The following NAALADL2 variants were observed in gnomAD, a reference collection of about 807,000 sequenced individuals.
NAALADL2 encodes the protein N-acetylated alpha-linked acidic dipeptidase like 2.
A neutral mutation model predicts 87.2 loss-of-function variants in NAALADL2; 76 were observed. The ratio of observed to expected loss-of-function variants is 0.87; its 90% confidence interval spans 0.72 to 1.05. The LOEUF (loss-of-function observed/expected upper bound fraction) is 1.05, where lower values mean the gene tolerates loss of function less well. Among genes scored for constraint, NAALADL2 ranks in the 50% least tolerant of loss-of-function variants. The probability of loss-of-function intolerance (pLI) is 0.00; values close to 1 mark genes in which losing one functional copy is unlikely to be tolerated. For synonymous variants in NAALADL2, 354 were observed against 331.0 expected, an observed-to-expected ratio of 1.07 and a Z score of -0.75; for missense variants, 1,089 against 945.8, an observed-to-expected ratio of 1.15 and a Z score of -1.99.
chr3:175,229,661 A>AC (rs1228863016), intron 2 of NAALADL2, among the ~76,000 whole-genome samples: 1 of 150,932 alleles, frequency 6.6e-6, no homozygotes, highest in Non-Finnish European at 1.5e-5. Flanking sequence ...CCTCCCAAAG[A>AC]CCCCAACACT....
At chr3:174,518,807 T>C (rs929574495) in intron 1 of NAALADL2, among the ~76,000 whole-genome samples, 2 of 152,194 alleles carry the variant, frequency 1.3e-5, no homozygotes, top group African/African-American at 2.4e-5. Context: ...ATATTCTAAT[T>C]GTATTGAGCA....
Position 175,137,933 on chromosome 3 carries a change from C to T in NAALADL2, c.545+40642C>T, listed in dbSNP as rs143944784. On this transcript the variant is annotated intron_variant, in intron 2 of 13. Transcript: ENST00000454872. ...GCCACCACACCAGTCCGAGATTGAC[C>T]CAATTTTTAACTCTCCTGATAATAA... 2.6e-4 allele frequency among the ~76,000 whole-genome samples: 40 copies of T among 152,032 alleles called. No individual in the cohort carries two copies. In the East Asian group the frequency reaches 7.1e-3, roughly 27 times the overall value.
At chr3:175,467,827 A>T (rs115092220) in intron 8 of NAALADL2, among the ~76,000 whole-genome samples, 84 of 152,258 alleles carry the variant, frequency 5.5e-4, no homozygotes, top group African/African-American at 2.0e-3. Context: ...GGAGAATTTA[A>T]GTCTCAAACT....
intron 1 of NAALADL2, among the ~76,000 whole-genome samples, chr3:175,095,710 A>G (rs906143924): frequency 6.6e-6 from 1 of 152,064 alleles, no homozygotes; most frequent in Non-Finnish European, 1.5e-5. Context: ...CACGATTCCT[A>G]AGGCAATTAG....
At chr3:175,221,945 T>TTG (rs893361790) in intron 2 of NAALADL2, among the ~76,000 whole-genome samples, 8 of 151,892 alleles carry the variant, frequency 5.3e-5, no homozygotes, top group Non-Finnish European at 1.2e-4. Context: ...TGGCTAATTT[T>TTG]TGTGTGTGTG....
At chr3:175,712,580 G>A (rs1740676834) in intron 11 of NAALADL2, among the ~76,000 whole-genome samples, 1 of 152,050 alleles carries the variant, frequency 6.6e-6, no homozygotes, top group Non-Finnish European at 1.5e-5. Context: ...CCAGCAGGAA[G>A]GGGTCAACCA....
intron 11 of NAALADL2, among the ~76,000 whole-genome samples, chr3:175,671,646 G>A (rs562596719): frequency 6.6e-6 from 1 of 152,096 alleles, no homozygotes; most frequent in Non-Finnish European, 1.5e-5. Flanking sequence ...AAGATTGACA[G>A]CTTGCTAGAG....
At chr3:175,117,579 C>G (rs892439585) in intron 2 of NAALADL2, among the ~76,000 whole-genome samples, 1 of 150,418 alleles carries the variant, frequency 6.6e-6, no homozygotes, top group African/African-American at 2.5e-5. Flanking sequence ...CCATCTCACA[C>G]CAGTTAGAAT....
chr3:175,253,780 G>A (rs891819584), intron 3 of NAALADL2, among the ~76,000 whole-genome samples: 21 of 152,088 alleles, frequency 1.4e-4, no homozygotes, highest in African/African-American at 4.8e-4. Flanking sequence ...CCTTATAGAC[G>A]AGTTTGAGGG....
chr3:174,860,697 G>A (rs1041479052), intron 1 of NAALADL2, among the ~76,000 whole-genome samples: 1 of 152,000 alleles, frequency 6.6e-6, no homozygotes, highest in Non-Finnish European at 1.5e-5. Flanking sequence ...TGTATTCAGC[G>A]ATCAAAATAA....
intron 2 of NAALADL2, among the ~76,000 whole-genome samples, chr3:174,722,377 A>T (rs974316705): frequency 2.0e-5 from 3 of 152,160 alleles, no homozygotes; most frequent in Non-Finnish European, 4.4e-5. Context: ...TCCTAATTTA[A>T]CCCTCCTATT....
intron 5 of NAALADL2, among the ~76,000 whole-genome samples, chr3:175,409,804 A>G (rs1251631794): frequency 6.6e-6 from 1 of 152,058 alleles, no homozygotes; most frequent in East Asian, 1.9e-4. Flanking sequence ...TTAGAGAAAG[A>G]ACACTGACAT....
intron 5 of NAALADL2, among the ~76,000 whole-genome samples, chr3:175,379,180 TC>T (rs1416897938): frequency 2.9e-5 from 4 of 136,472 alleles, no homozygotes; most frequent in Non-Finnish European, 6.1e-5. Flanking sequence ...TTAACCTGTT[TC>T]TTCCTCTCTC....
intron 4 of NAALADL2, among the ~76,000 whole-genome samples, chr3:175,294,108 A>G (rs1039020436): frequency 6.6e-6 from 1 of 152,174 alleles, no homozygotes; most frequent in Admixed American, 6.5e-5. Context: ...TAACCAGGGA[A>G]TTTGACGAGG....
At chr3:174,589,375 C>CCCACTG (rs1717108325) in intron 2 of NAALADL2, among the ~76,000 whole-genome samples, 2 of 152,318 alleles carry the variant, frequency 1.3e-5, no homozygotes, top group African/African-American at 4.8e-5. Context: ...GTGGGCTGCA[C>CCCACTG]CCACTGTCTG....
At chr3:174,535,324 AAT>A (rs1721627943) in intron 1 of NAALADL2, among the ~76,000 whole-genome samples, 1 of 152,150 alleles carries the variant, frequency 6.6e-6, no homozygotes, top group Non-Finnish European at 1.5e-5. Context: ...GTTTTATGTA[AAT>A]ATAGGAATAC....
At chr3:175,529,465 C>T (rs902077954) in intron 9 of NAALADL2, among the ~76,000 whole-genome samples, 1 of 152,128 alleles carries the variant, frequency 6.6e-6, no homozygotes, top group Non-Finnish European at 1.5e-5. Flanking sequence ...CACTGCTACC[C>T]CTTGATTCCT....
At chr3:175,320,093 A>T (rs1294134381) in intron 4 of NAALADL2, among the ~76,000 whole-genome samples, 10 of 152,220 alleles carry the variant, frequency 6.6e-5, no homozygotes, top group Admixed American at 5.9e-4. Flanking sequence ...ACCTTCAGTC[A>T]TGTTCTCCTT....
At chr3:174,513,475 A>G (rs1201203789) in intron 1 of NAALADL2, 3 of 152,192 alleles carry the variant, frequency 2.0e-5, no homozygotes, top group Non-Finnish European at 4.4e-5. Context: ...TAAATTTCAA[A>G]TATTCCTTAG....
Sources: gnomAD v4.1 joint callset for allele counts (sites outside exome capture counted in the v4.1 genomes callset) on GRCh38, gnomAD v4.1.1 for gene constraint, MANE v1.5 for transcripts, NCBI Gene and HGNC (gene_info 2026-07-23, HGNC 2026-07-21) for gene names.